Variants in MSMO1 observed in about 807,000 individuals in gnomAD.
MSMO1 encodes the protein methylsterol monooxygenase 1.
A neutral mutation model predicts 30.4 loss-of-function variants in MSMO1; 18 were observed. That is an observed-to-expected ratio of 0.59 (90% CI 0.41 to 0.88). The LOEUF is 0.88. MSMO1 is among the 40% of genes least tolerant of loss of function. The pLI, the probability that MSMO1 is intolerant of heterozygous loss-of-function variation, is 0.00. For missense variants in MSMO1, 284 were observed against 340.5 expected, an observed-to-expected ratio of 0.83 and a Z score of 1.31; for synonymous variants, 84 against 107.9, an observed-to-expected ratio of 0.78 and a Z score of 1.37.
chr4:165,329,475 AT>A (rs1454297668), intron 1 of MSMO1, among the ~76,000 whole-genome samples: 4 of 151,906 alleles, frequency 2.6e-5, no homozygotes, highest in African/African-American at 9.7e-5. Context: ...TGAATGCACA[AT>A]ACTTGTCAGA....
At chr4:165,334,914 G>A (rs1747498403) in intron 2 of MSMO1, among the ~76,000 whole-genome samples, 1 of 152,132 alleles carries the variant, frequency 6.6e-6, no homozygotes, top group South Asian at 2.1e-4. Context: ...CCAACCAACT[G>A]CAGATCAGAA....
At chr4:165,339,217 G>A (rs28622225) in intron 4 of MSMO1, among the ~76,000 whole-genome samples, 5,864 of 143,410 alleles carry the variant, frequency 0.041, 232 homozygotes, top group African/African-American at 0.1. Flanking sequence ...CAATTCTCCT[G>A]CCTCAGCCTT....
intron 2 of MSMO1, among the ~76,000 whole-genome samples, chr4:165,334,871 C>G (rs1747496582): frequency 6.6e-6 from 1 of 152,074 alleles, no homozygotes; most frequent in Admixed American, 6.5e-5. Context: ...TACAATTGGC[C>G]CTCCATATCC....
intron 1 of MSMO1, among the ~76,000 whole-genome samples, chr4:165,331,799 T>A (rs2126616936): frequency 6.6e-6 from 1 of 152,304 alleles, no homozygotes; most frequent in Admixed American, 6.5e-5. Context: ...AGAAGTTTAT[T>A]TTTTGGTTAG....
intron 1 of MSMO1, among the ~76,000 whole-genome samples, chr4:165,329,889 C>A (rs1049080075): frequency 6.6e-6 from 1 of 152,078 alleles, no homozygotes; most frequent in Non-Finnish European, 1.5e-5. Flanking sequence ...CCACCTCAGC[C>A]TCCCAAAGTG....
In MSMO1 at chr4:165,333,539, G is replaced by A. The variant is rs993702439; in HGVS notation, c.169G>A (p.Val57Ile). ...GATTGCAACATGGGGATCCCTTATAGTTCATGAAGCCCTTTATTTCTTATT... is the reference window on the plus strand; with the variant it reads ...GATTGCAACATGGGGATCCCTTATAATTCATGAAGCCCTTTATTTCTTATT... ...FQIATWGSLI[V>I]HEALYFLFCL... The change falls in exon 2 of 6, where the codon GTT becomes ATT. Residue 57 changes from valine to isoleucine, a missense_variant. By Grantham distance (29) the Val-to-Ile change is conservative. Coordinates refer to ENST00000261507, the MANE Select transcript of MSMO1 (RefSeq NM_006745.5). 6.2e-7 allele frequency: 1 copy of A among 1,612,944 alleles called. No homozygotes were observed. The highest frequency in any genetic ancestry group is 1.1e-5 in the South Asian group (1 of 90,802).
At position 165,333,457 on chromosome 4, in the gene MSMO1, G is replaced by T. The variant is rs753017181; in HGVS notation, c.87G>T (p.Leu29=). 1 of 1,613,036 alleles carries T rather than the reference G, an allele frequency of 6.2e-7. No individual in the cohort carries two copies. The highest frequency in any genetic ancestry group is 2.2e-5 in the East Asian group (1 of 44,780). Residue 29 remains leucine, a synonymous_variant, in exon 2 of 6, where the codon CTG becomes CTT. Transcript: ENST00000261507. ...YVDSLLPENP[L]QEPFKNAWNY... Reference sequence around the variant, plus strand: ...ATTCACTTTTACCTGAGAATCCTCTGCAAGAACCATTTAAAAATGCTTGGA... The same window carrying T: ...ATTCACTTTTACCTGAGAATCCTCTTCAAGAACCATTTAAAAATGCTTGGA...
intron 4 of MSMO1, 23 bp downstream of exon 4, chr4:165,338,801 T>C (rs1005741824): frequency 1.3e-6 from 2 of 1,561,446 alleles, no homozygotes; most frequent in African/African-American, 2.7e-5. Flanking sequence ...TATATTTAAT[T>C]CTTTCTGTTA....
At chr4:165,331,754 A>G (rs1457958666) in intron 1 of MSMO1, among the ~76,000 whole-genome samples, 1 of 152,258 alleles carries the variant, frequency 6.6e-6, no homozygotes, top group Non-Finnish European at 1.5e-5. Flanking sequence ...AATTAGAAGC[A>G]GCAGTGGTGA....
intron 1 of MSMO1, among the ~76,000 whole-genome samples, chr4:165,328,450 A>C (rs962791509): frequency 7.2e-5 from 11 of 152,152 alleles, no homozygotes; most frequent in Admixed American, 6.5e-4. Flanking sequence ...CTGATGTTTA[A>C]ATTTATATAG....
At chr4:165,336,047 A>G (rs1458565619) in intron 2 of MSMO1, among the ~76,000 whole-genome samples, 1 of 152,224 alleles carries the variant, frequency 6.6e-6, no homozygotes, top group African/African-American at 2.4e-5. Flanking sequence ...AACATATGCA[A>G]TAAATGTTTT....
chr4:165,330,885 C>T (rs528516105), intron 1 of MSMO1, among the ~76,000 whole-genome samples: 1 of 152,264 alleles, frequency 6.6e-6, no homozygotes, highest in African/African-American at 2.4e-5. Flanking sequence ...GCCACCATGC[C>T]CAGCTGAGTT....
At chr4:165,332,891 C>T (rs561453849) in intron 1 of MSMO1, among the ~76,000 whole-genome samples, 12 of 152,188 alleles carry the variant, frequency 7.9e-5, no homozygotes, top group South Asian at 2.1e-4. Flanking sequence ...TAATCTTTGA[C>T]TTTGTCTTTC....
At position 165,327,721 on chromosome 4, in the gene MSMO1, A is replaced by C. The variant is rs1747275057; in HGVS notation, c.-75A>C. Reference sequence around the variant, plus strand: ...GGTTCCGAGGTTGGAACACCTGGCGAGTCCTCGGTGTCGGTGGCCGGCAGT... The same window carrying C: ...GGTTCCGAGGTTGGAACACCTGGCGCGTCCTCGGTGTCGGTGGCCGGCAGT... On this transcript the variant is annotated 5_prime_UTR_variant, in exon 1 of 6. Transcript: ENST00000261507. The C allele has an allele frequency of 6.6e-6, 1 of 152,366 alleles. No individual in the cohort carries two copies. Among genetic ancestry groups the C allele is most frequent in the African/African-American group, 2.4e-5 (1 of 41,464 alleles). The allele number at this position is 152,366 out of a possible 1,614,324, so 9.4% of individuals were successfully genotyped here.
chr4:165,338,906 A>G (rs561533905), intron 4 of MSMO1, 128 bp downstream of exon 4: 2 of 666,926 alleles, frequency 3.0e-6, no homozygotes, highest in East Asian at 5.7e-5. Flanking sequence ...ATTAAGAACA[A>G]TACACACACA....
chr4:165,329,483 CA>C (rs1276470251), intron 1 of MSMO1, among the ~76,000 whole-genome samples: 2 of 149,512 alleles, frequency 1.3e-5, no homozygotes, highest in African/African-American at 2.5e-5. Flanking sequence ...CAATACTTGT[CA>C]GAGTGAATGC....
At chr4:165,329,554 C>T (rs1360596645) in intron 1 of MSMO1, among the ~76,000 whole-genome samples, 1 of 141,030 alleles carries the variant, frequency 7.1e-6, no homozygotes, top group Non-Finnish European at 1.5e-5. Context: ...TCAAATCTTC[C>T]AGATTAGTCA....
chr4:165,340,192 A>G, intron 4 of MSMO1, 29 bp from the exon 5 acceptor site: 1 of 1,609,288 alleles, frequency 6.2e-7, no homozygotes, highest in Non-Finnish European at 8.5e-7. Flanking sequence ...TAGCTAAGAA[A>G]TTAAGAATTT....
intron 1 of MSMO1, among the ~76,000 whole-genome samples, chr4:165,328,979 T>C (rs74802486): frequency 0.023 from 3,541 of 152,284 alleles, 64 homozygotes; most frequent in East Asian, 0.095. Flanking sequence ...TGAGTTCATG[T>C]GCCTCTGAAC....
Sources: allele counts gnomAD v4.1 joint callset (sites outside exome capture counted in the v4.1 genomes callset), GRCh38; gene constraint gnomAD v4.1.1; transcripts MANE v1.5; gene names NCBI Gene and HGNC (gene_info 2026-07-23, HGNC 2026-07-21).